UNC5D: variants seen among roughly 807,000 people sequenced by gnomAD.
UNC5D encodes the protein netrin receptor UNC5D.
In UNC5D, 39 loss-of-function variants were observed where a neutral mutation model predicts 105.4. The observed-to-expected ratio is 0.37, with a 90% confidence interval of 0.29 to 0.48. The LOEUF is 0.48. UNC5D is among the 20% of genes least tolerant of loss of function. UNC5D has a pLI of 0.98. For missense variants in UNC5D, 991 were observed against 1,202.4 expected (o/e 0.82, Z 2.60); for synonymous variants, 452 against 450.4 (o/e 1.00, Z -0.04).
At chr8:35,497,992 C>T (rs898270781) in intron 1 of UNC5D, among the ~76,000 whole-genome samples, 2 of 150,398 alleles carry the variant, frequency 1.3e-5, no homozygotes, top group African/African-American at 4.9e-5. Context: ...TCGCCTGAAC[C>T]CAGGAGGCAG....
intron 3 of UNC5D, among the ~76,000 whole-genome samples, chr8:35,592,116 T>C (rs959494186): frequency 3.9e-5 from 6 of 152,202 alleles, no homozygotes; most frequent in Non-Finnish European, 1.5e-5. Flanking sequence ...CAATATTCAA[T>C]ATGCTATTTA....
chr8:35,724,348 G>A, intron 9 of UNC5D: 1 of 1,520,920 alleles, frequency 6.6e-7, no homozygotes, highest in Non-Finnish European at 8.8e-7. Context: ...CTGATATCAT[G>A]TGGTTTTCAC....
At chr8:35,767,989 A>G (rs1438619246) in intron 15 of UNC5D, among the ~76,000 whole-genome samples, 3 of 150,510 alleles carry the variant, frequency 2.0e-5, no homozygotes, top group African/African-American at 7.3e-5. Context: ...TTTGTTTTTC[A>G]CTTATAAAAT....
intron 2 of UNC5D, among the ~76,000 whole-genome samples, chr8:35,555,236 C>G (rs183882001): frequency 1.3e-5 from 2 of 152,250 alleles, no homozygotes; most frequent in Admixed American, 6.5e-5. Flanking sequence ...TTGTTCATCA[C>G]TCTACTTCTC....
intron 1 of UNC5D, among the ~76,000 whole-genome samples, chr8:35,436,096 A>G (rs1324912823): frequency 1.3e-5 from 2 of 152,086 alleles, no homozygotes; most frequent in Admixed American, 6.6e-5. Flanking sequence ...TGTGACTTCA[A>G]TTTCAAATTT....
At chr8:35,304,153 C>T (rs1808167592) in intron 1 of UNC5D, among the ~76,000 whole-genome samples, 1 of 151,944 alleles carries the variant, frequency 6.6e-6, no homozygotes. Context: ...GAATCATTTT[C>T]ATATTTCACA....
intron 1 of UNC5D, among the ~76,000 whole-genome samples, chr8:35,367,107 G>A (rs1802161640): frequency 6.6e-6 from 1 of 152,122 alleles, no homozygotes; most frequent in East Asian, 1.9e-4. Flanking sequence ...ATATGCTGCT[G>A]TTCATTGTGA....
intron 1 of UNC5D, among the ~76,000 whole-genome samples, chr8:35,396,096 C>T (rs929353390): frequency 6.6e-6 from 1 of 152,090 alleles, no homozygotes. Context: ...CAAGGCATAA[C>T]CCTGAGGTAT....
At chr8:35,547,831 G>A (rs1815812651) in intron 1 of UNC5D, among the ~76,000 whole-genome samples, 1 of 152,130 alleles carries the variant, frequency 6.6e-6, no homozygotes, top group Non-Finnish European at 1.5e-5. Context: ...ACTAATAGAT[G>A]TATATATAAA....
chr8:35,456,128 T>A (rs1808477598), intron 1 of UNC5D, among the ~76,000 whole-genome samples: 2 of 152,188 alleles, frequency 1.3e-5, no homozygotes, highest in African/African-American at 4.8e-5. Flanking sequence ...AAGAGGTAAA[T>A]GCATTTCTGA....
intron 1 of UNC5D, among the ~76,000 whole-genome samples, chr8:35,292,852 G>A (rs1807179917): frequency 6.6e-6 from 1 of 151,558 alleles, no homozygotes; most frequent in African/African-American, 2.4e-5. Flanking sequence ...GAGTAGCTGG[G>A]ATTACAGGCA....
chr8:35,360,749 A>T (rs2128917674), intron 1 of UNC5D, among the ~76,000 whole-genome samples: 1 of 152,302 alleles, frequency 6.6e-6, no homozygotes, highest in South Asian at 2.1e-4. Flanking sequence ...TGGCAGTGGC[A>T]AACTGTGGCT....
At chr8:35,512,311 C>T (rs1310204871) in intron 1 of UNC5D, among the ~76,000 whole-genome samples, 1 of 150,510 alleles carries the variant, frequency 6.6e-6, no homozygotes, top group Non-Finnish European at 1.5e-5. Context: ...TACTTGAGGT[C>T]AAGAGTTCAA....
chr8:35,468,244 C>G (rs1350623951), intron 1 of UNC5D, among the ~76,000 whole-genome samples: 1 of 152,122 alleles, frequency 6.6e-6, no homozygotes, highest in African/African-American at 2.4e-5. Context: ...CACAGATAAA[C>G]AGGGATAGGC....
intron 3 of UNC5D, among the ~76,000 whole-genome samples, chr8:35,589,447 T>A (rs1384848870): frequency 6.6e-6 from 1 of 151,800 alleles, no homozygotes; most frequent in Non-Finnish European, 1.5e-5. Flanking sequence ...GTAGAATTAC[T>A]GAACCATATG....
intron 1 of UNC5D, among the ~76,000 whole-genome samples, chr8:35,382,535 A>G (rs945528672): frequency 2.0e-5 from 3 of 152,192 alleles, no homozygotes; most frequent in Admixed American, 6.5e-5. Context: ...ATTATTTATA[A>G]AAGTACAGTT....
chr8:35,473,189 G>A (rs1019582967), intron 1 of UNC5D, among the ~76,000 whole-genome samples: 1 of 152,188 alleles, frequency 6.6e-6, no homozygotes, highest in African/African-American at 2.4e-5. Context: ...GAGAGATGGT[G>A]TAGTATTTGG....
intron 4 of UNC5D, among the ~76,000 whole-genome samples, chr8:35,672,571 G>T (rs1039585391): frequency 6.6e-6 from 1 of 152,140 alleles, no homozygotes; most frequent in Non-Finnish European, 1.5e-5. Flanking sequence ...GTAACAAAGA[G>T]CAAGATCTGT....
intron 1 of UNC5D, among the ~76,000 whole-genome samples, chr8:35,443,841 TA>T: frequency 6.6e-6 from 1 of 152,070 alleles, no homozygotes; most frequent in South Asian, 2.1e-4. Context: ...TTATATATAT[TA>T]GCTGATCATC....
Sources: gnomAD v4.1 joint callset for allele counts (sites outside exome capture counted in the v4.1 genomes callset) on GRCh38, gnomAD v4.1.1 for gene constraint, MANE v1.5 for transcripts, NCBI Gene and HGNC (gene_info 2026-07-23, HGNC 2026-07-21) for gene names.